The following RNF41 variants were observed in gnomAD, a reference collection of about 807,000 sequenced individuals.
The protein encoded by RNF41 is ring finger protein 41.
In RNF41, 4 loss-of-function variants were observed where a neutral mutation model predicts 33.0. The ratio of observed to expected loss-of-function variants is 0.12; its 90% CI spans 0.06 to 0.28. The LOEUF (loss-of-function observed/expected upper bound fraction) is 0.28, where lower values mean the gene tolerates loss of function less well. Among genes scored for constraint, RNF41 ranks in the 10% least tolerant of loss-of-function variants. The pLI is 1.00. For missense variants in RNF41, 228 were observed against 432.6 expected, an observed-to-expected ratio of 0.53 and a Z score of 4.19; for synonymous variants, 164 against 153.2, an observed-to-expected ratio of 1.07 and a Z score of -0.52.
chr12:56,205,578 G>T lies in RNF41; in HGVS notation c.*869C>A, dbSNP rs1024946899. On this transcript the variant is annotated 3_prime_UTR_variant, in exon 7 of 7. Transcript: ENST00000345093. ...CATTCTTAAAAAAAAGAGGGGGGGG[G>T]GCAGTAGGTGGAGTTTGTGAAATAT... The T allele has an allele frequency of 6.7e-6, 1 of 150,020 alleles. No homozygotes were observed. The highest frequency in any genetic ancestry group is 2.5e-5 in the African/African-American group (1 of 40,502). The allele number at this position is 150,020 out of a possible 1,614,324, so 9.3% of individuals were successfully genotyped here. A position where few individuals can be genotyped will look rare whatever the true frequency, so the allele number is the denominator to read the frequency against.
intron 2 of RNF41, among the ~76,000 whole-genome samples, chr12:56,214,488 C>G (rs548178445): frequency 4.1e-5 from 6 of 147,184 alleles, no homozygotes; most frequent in Admixed American, 7.0e-5. Flanking sequence ...CCACTGCACT[C>G]CAGCCTGGGG....
chr12:56,219,971 C>G (rs111883005), intron 1 of RNF41, among the ~76,000 whole-genome samples: 1 of 150,950 alleles, frequency 6.6e-6, no homozygotes, highest in Non-Finnish European at 1.5e-5. Flanking sequence ...GAGCAGAGAT[C>G]GCAGCACCGC....
chr12:56,215,988 G>C (rs933987332), intron 2 of RNF41, among the ~76,000 whole-genome samples: 1 of 152,050 alleles, frequency 6.6e-6, no homozygotes, highest in Non-Finnish European at 1.5e-5. Flanking sequence ...TGGGCATGGT[G>C]GTGGGCACCT....
chr12:56,220,871 A>G (rs191955699), intron 1 of RNF41, among the ~76,000 whole-genome samples: 1 of 152,156 alleles, frequency 6.6e-6, no homozygotes, highest in African/African-American at 2.4e-5. Context: ...TGCATCACTC[A>G]CATTCCCTAC....
rs1868394585 is a variant in RNF41, at chr12:56,210,503, T to C, written c.156A>G (p.Thr52=). 1 of 1,614,164 alleles carries C rather than the reference T, an allele frequency of 6.2e-7. No individual in the cohort carries two copies. The highest frequency in any genetic ancestry group is 1.3e-5 in the African/African-American group (1 of 75,062). ...TCACAACACTACGGTCCACTGGACA[T>C]GTCTGTTGCTGAGAGAACCACTGGG... ...CITQWFSQQQ[T]CPVDRSVVTV... The change falls in exon 4 of 7, where the codon ACA becomes ACG. Residue 52 remains threonine (T), a synonymous_variant. Coordinates refer to ENST00000345093, the MANE Select transcript of RNF41 (RefSeq NM_005785.4).
rs528662754 is a variant in RNF41, at chr12:56,202,717, T to C, written c.*3730A>G. Reference sequence around the variant, plus strand: ...CACATTTATGATCCCTTATTATATATTCATCTCCATTAGGGACTAAGTTCT... The same window carrying C: ...CACATTTATGATCCCTTATTATATACTCATCTCCATTAGGGACTAAGTTCT... On this transcript the variant is annotated 3_prime_UTR_variant, in exon 7 of 7. Transcript: ENST00000345093. 2.0e-5 allele frequency: 3 copies of C among 152,318 alleles called. No individual in the cohort carries two copies. The highest frequency in any genetic ancestry group is 6.5e-5 in the Admixed American group (1 of 15,284). 9.4% of individuals were successfully genotyped at this position (152,318 alleles called of 1,614,324 possible).
rs1878671490 is a variant in RNF41 at position 56,203,279 on chromosome 12, G to A, written c.*3168C>T. Reference sequence around the variant, plus strand: ...GCTCACTGCAACCTCCACCTCCCAGGTTCAAGCGATTCTTGTGCCTTAGCC... The same window carrying A: ...GCTCACTGCAACCTCCACCTCCCAGATTCAAGCGATTCTTGTGCCTTAGCC... On this transcript the variant is annotated 3_prime_UTR_variant, in exon 7 of 7. Coordinates refer to ENST00000345093, the MANE Select transcript of RNF41 (RefSeq NM_005785.4). 1 of 152,084 alleles carries A rather than the reference G, an allele frequency of 6.6e-6. No individual in the cohort carries two copies. The highest frequency in any genetic ancestry group is 2.1e-4 in the South Asian group (1 of 4,818). 9.4% of individuals were successfully genotyped at this position (152,084 alleles called of 1,614,324 possible).
chr12:56,207,504 C>A, intron 6 of RNF41, 142 bp downstream of exon 6: 1 of 780,796 alleles, frequency 1.3e-6, no homozygotes, highest in Non-Finnish European at 2.3e-6. Context: ...TCCTCTGCCC[C>A]TGTCCTTAAT....
In RNF41 at chr12:56,206,064, T is replaced by G. The variant is rs1868260135; in HGVS notation, c.*383A>C. On this transcript the variant is annotated 3_prime_UTR_variant, in exon 7 of 7. Coordinates refer to ENST00000345093, the MANE Select transcript of RNF41 (RefSeq NM_005785.4). The surrounding 1 kb of genome is among the most constrained non-coding windows in gnomAD (Gnocchi z 5.7). ...AGTCAACAGGCCTGACTGCTCTGAT[T>G]CCCTGGTTTTGGAGGAGAGGGACGA... The G allele has an allele frequency of 5.0e-6, 1 of 199,458 alleles. No individual in the cohort carries two copies. The allele number at this position is 199,458 out of a possible 1,614,324, so 12.4% of individuals were successfully genotyped here.
rs573321026 is a variant in RNF41 at position 56,213,645 on chromosome 12, G to A, written c.90+313C>T. ...AAGATGGAACCTAGTAAGAGTTCCT[G>A]TAGAGGAAAGGAAGCTACCCAGCTA... On this transcript the variant is annotated intron_variant, in intron 3 of 6. Transcript: ENST00000345093. 2.0e-5 allele frequency among the ~76,000 whole-genome samples: 3 copies of A among 152,266 alleles called. No homozygotes were observed. The South Asian group carries it at 6.2e-4, about 32-fold the overall frequency.
chr12:56,216,186 G>A (rs1014348233), intron 2 of RNF41, among the ~76,000 whole-genome samples: 1 of 151,002 alleles, frequency 6.6e-6, no homozygotes, highest in Non-Finnish European at 1.5e-5. Context: ...TGAGCCCAAT[G>A]AGTACATAGG....
At chr12:56,219,442 G>A (rs984953213) in intron 1 of RNF41, among the ~76,000 whole-genome samples, 1 of 151,234 alleles carries the variant, frequency 6.6e-6, no homozygotes, top group Admixed American at 6.6e-5. Context: ...TGATCTGCCT[G>A]CCTCGGCCTC....
At chr12:56,220,666 G>A (rs1294241022) in intron 1 of RNF41, among the ~76,000 whole-genome samples, 3 of 151,592 alleles carry the variant, frequency 2.0e-5, no homozygotes, top group African/African-American at 7.3e-5. Flanking sequence ...CCCAGAAAGA[G>A]GTGGCACTGA....
chr12:56,207,675 C>A lies in RNF41; in HGVS notation c.573G>T (p.Glu191Asp). 1 of 1,614,084 alleles carries A rather than the reference C, an allele frequency of 6.2e-7. No homozygotes were observed. Among genetic ancestry groups the A allele is most frequent in the Non-Finnish European group, 8.5e-7 (1 of 1,179,904 alleles). ...RSVNPNLQNL[E>D]ETIEYNEILE... ...GGATCTCGTTGTATTCAATTGTCTCCTCCAGGTTCTGAAGGTTGGGGTTGA... is the reference window on the plus strand; with the variant it reads ...GGATCTCGTTGTATTCAATTGTCTCATCCAGGTTCTGAAGGTTGGGGTTGA... The change falls in exon 6 of 7, where the codon GAG becomes GAT. Residue 191 changes from glutamate to aspartate, a missense_variant. Physicochemically the swap from Glu to Asp is conservative, Grantham distance 45. Transcript: ENST00000345093.
At position 56,221,791 on chromosome 12, in the gene RNF41, C is replaced by T. The variant is rs75309020; in HGVS notation, c.-240G>A. ...GGAAGCGGCCTGGAGTCTCCGCAAC[C>T]TGACCCAGTCGGAGCTGAGGCCGCA... On this transcript the variant is annotated 5_prime_UTR_variant, in exon 1 of 7. Coordinates refer to ENST00000345093, the MANE Select transcript of RNF41 (RefSeq NM_005785.4). The T allele has an allele frequency of 6.6e-6, 1 of 152,392 alleles. No homozygotes were observed. The highest frequency in any genetic ancestry group is 1.5e-5 in the Non-Finnish European group (1 of 68,178). The allele number at this position is 152,392 out of a possible 1,614,324, so 9.4% of individuals were successfully genotyped here.
chr12:56,213,165 TAGGTCAGTACATAC>T (rs1188050161), intron 3 of RNF41: 1 of 1,281,928 alleles, frequency 7.8e-7, no homozygotes, highest in African/African-American at 1.5e-5. Flanking sequence ...AGGAAAAAAA[TAGGTCAGTACATAC>T]AGTTCCCCAC....
chr12:56,208,818 G>A (rs1165299527), intron 4 of RNF41, among the ~76,000 whole-genome samples: 10 of 150,852 alleles, frequency 6.6e-5, no homozygotes, highest in South Asian at 2.1e-4. Flanking sequence ...TGCCCCCCTC[G>A]GCCTTCCAAA....
chr12:56,208,442 T>C, intron 4 of RNF41, 144 bp from the exon 5 acceptor site: 1 of 755,968 alleles, frequency 1.3e-6, no homozygotes. Context: ...CCCTCTTGTT[T>C]ATTCCCTTCA....
intron 1 of RNF41, among the ~76,000 whole-genome samples, chr12:56,219,943 G>A (rs1276873874): frequency 6.6e-6 from 1 of 151,832 alleles, no homozygotes; most frequent in African/African-American, 2.4e-5. Flanking sequence ...ACTGAGCCGA[G>A]GAGGCAGAGG....
Sources: allele counts gnomAD v4.1 joint callset (sites outside exome capture counted in the v4.1 genomes callset), GRCh38; gene constraint gnomAD v4.1.1; non-coding constraint Gnocchi (gnomAD v3.1); transcripts MANE v1.5; gene names NCBI Gene and HGNC (gene_info 2026-07-23, HGNC 2026-07-21).